Variants in PGR observed in about 807,000 individuals in gnomAD.
PGR encodes the protein progesterone receptor.
Under a neutral mutation model 76.1 loss-of-function variants are expected in PGR, and 25 were observed. The ratio of observed to expected loss-of-function variants is 0.33; its 90% CI spans 0.24 to 0.46. The LOEUF (loss-of-function observed/expected upper bound fraction) is 0.46, where lower values mean the gene tolerates loss of function less well. PGR is among the 20% of genes least tolerant of loss of function. The pLI is 1.00. For synonymous variants in PGR, 579 were observed against 535.0 expected, an observed-to-expected ratio of 1.08 and a Z score of -1.14; for missense variants, 1,172 against 1,225.3, an observed-to-expected ratio of 0.96 and a Z score of 0.65.
At chr11:101,069,155 C>T (rs188840800) in intron 3 of PGR, among the ~76,000 whole-genome samples, 6 of 151,774 alleles carry the variant, frequency 4.0e-5, no homozygotes, top group African/African-American at 1.2e-4. Context: ...CTACAGGGAA[C>T]TTAAACAAAT....
At chr11:101,064,069 G>A (rs1860611690) in intron 3 of PGR, 1 of 152,060 alleles carries the variant, frequency 6.6e-6, no homozygotes, top group Admixed American at 6.6e-5. Flanking sequence ...GTGAGCTCAT[G>A]CCTGTAGTTC....
Position 101,128,721 on chromosome 11 carries a change from G to C in PGR, c.350C>G (p.Thr117Ser), listed in dbSNP as rs748602793. The C allele has an allele frequency of 2.5e-6, 4 of 1,611,756 alleles. No homozygotes were observed. In the Middle Eastern group the frequency reaches 6.6e-4, roughly 265 times the overall value. Reference sequence around the variant, plus strand: ...CCCGGGACCTGAGGGCGCCAACAGAGTGTCCAAGACACTGTCCAGCAGTCC... The same window carrying C: ...CCCGGGACCTGAGGGCGCCAACAGACTGTCCAAGACACTGTCCAGCAGTCC... ...DSGLLDSVLD[T>S]LLAPSGPGQS... The change falls in exon 1 of 8, where the codon ACT becomes AGT. Residue 117 changes from threonine (T) to serine (S), a missense_variant. Physicochemically the swap from Thr to Ser is moderately conservative, Grantham distance 58. Transcript: ENST00000325455.
chr11:101,039,431 A>G (rs536964553), intron 7 of PGR, among the ~76,000 whole-genome samples, 160 bp from the exon 8 acceptor site: 6 of 152,126 alleles, frequency 3.9e-5, no homozygotes, highest in African/African-American at 1.2e-4. Flanking sequence ...ATTTTCTAGA[A>G]TAATATGTAA....
At chr11:101,115,116 T>C (rs940840001) in intron 2 of PGR, among the ~76,000 whole-genome samples, 1 of 152,172 alleles carries the variant, frequency 6.6e-6, no homozygotes, top group Admixed American at 6.5e-5. Context: ...AAATAATTTA[T>C]ATATAATCGT....
chr11:101,043,304 A>C (rs1338238780), intron 6 of PGR, among the ~76,000 whole-genome samples: 1 of 152,050 alleles, frequency 6.6e-6, no homozygotes, highest in Non-Finnish European at 1.5e-5. Flanking sequence ...ATAAGAAACA[A>C]CTCCTCATCT....
At chr11:101,054,251 T>C (rs1441370106) in intron 4 of PGR, among the ~76,000 whole-genome samples, 1 of 152,186 alleles carries the variant, frequency 6.6e-6, no homozygotes, top group Non-Finnish European at 1.5e-5. Flanking sequence ...TGTTTTATAA[T>C]TAACATAGTT....
intron 3 of PGR, among the ~76,000 whole-genome samples, chr11:101,088,664 C>T (rs1272350022): frequency 1.3e-5 from 2 of 152,138 alleles, no homozygotes; most frequent in Non-Finnish European, 2.9e-5. Flanking sequence ...TACCATTAGA[C>T]CAGCAATCCC....
chr11:101,039,502 A>T (rs780206099), intron 7 of PGR, among the ~76,000 whole-genome samples: 9 of 151,988 alleles, frequency 5.9e-5, no homozygotes, highest in Non-Finnish European at 1.2e-4. Context: ...TAAAGAAATG[A>T]AAGTTATTCA....
Position 101,125,989 on chromosome 11 carries a change from CA to C in PGR, c.1789+17del, listed in dbSNP as rs1340209702. On this transcript the variant is annotated intron_variant, in intron 2 of 7. Coordinates refer to ENST00000325455, the MANE Select transcript of PGR (RefSeq NM_000926.4). ...TACAATTAAACCAATAATAAAGGAT[CA>C]GGGGAAAGGAGCCTACCTTCCATTG... 1.2e-6 allele frequency: 2 copies of C among 1,609,762 alleles called. No homozygotes were observed. Among genetic ancestry groups the C allele is most frequent in the African/African-American group, 1.3e-5 (1 of 74,796 alleles).
chr11:101,113,285 A>G (rs1862399138), intron 2 of PGR, among the ~76,000 whole-genome samples: 1 of 150,166 alleles, frequency 6.7e-6, no homozygotes, highest in African/African-American at 2.4e-5. Context: ...TTTTTTTCCC[A>G]GAGTCTTGCT....
chr11:101,090,162 C>T (rs1446858353), intron 3 of PGR, among the ~76,000 whole-genome samples: 1 of 151,976 alleles, frequency 6.6e-6, no homozygotes, highest in Non-Finnish European at 1.5e-5. Flanking sequence ...TGCACCATTG[C>T]ACTCCAGCCT....
At chr11:101,122,429 C>T (rs2135504319) in intron 2 of PGR, among the ~76,000 whole-genome samples, 1 of 152,262 alleles carries the variant, frequency 6.6e-6, no homozygotes, top group South Asian at 2.1e-4. Context: ...TGTGTACTGG[C>T]AAAGATAAGC....
chr11:101,055,669 TA>T (rs1860265416), intron 4 of PGR, among the ~76,000 whole-genome samples: 1 of 152,152 alleles, frequency 6.6e-6, no homozygotes. Flanking sequence ...TTTAAACATT[TA>T]AACATTTTAC....
rs1008486373 is a variant in PGR at position 101,038,369 on chromosome 11, T to G, written c.*747A>C. The G allele has an allele frequency of 1.4e-5, 3 of 211,204 alleles. No individual in the cohort carries two copies. The highest frequency in any genetic ancestry group is 4.5e-5 in the African/African-American group (2 of 44,170). 13.1% of individuals were successfully genotyped at this position (211,204 alleles called of 1,614,324 possible). The stretch of plus-strand genomic sequence containing the variant: ...TAGGCCATAATCTTCTGATTTCTTA[T>G]GTCCACTCGCAATACCTCATTAGAG... On this transcript the variant is annotated 3_prime_UTR_variant, in exon 8 of 8. Transcript: ENST00000325455.
chr11:101,100,170 A>T (rs1861954416), intron 2 of PGR, among the ~76,000 whole-genome samples: 1 of 152,106 alleles, frequency 6.6e-6, no homozygotes, highest in South Asian at 2.1e-4. Context: ...GAGGTAATTG[A>T]ATCATGGGGG....
rs956105889 is a variant in PGR at position 101,029,959 on chromosome 11, C to T, written c.*9157G>A. 2 of 225,384 alleles carry T rather than the reference C, an allele frequency of 8.9e-6. No homozygotes were observed. Among genetic ancestry groups the T allele is most frequent in the African/African-American group, 2.2e-5 (1 of 44,924 alleles). 14.0% of individuals were successfully genotyped at this position (225,384 alleles called of 1,614,324 possible). ...CCAGGGACCCAGCCCCAGGCATACA[C>T]AGATGAAAGGACAGTTTCACCTTCT... On this transcript the variant is annotated 3_prime_UTR_variant, in exon 8 of 8. Coordinates refer to ENST00000325455, the MANE Select transcript of PGR (RefSeq NM_000926.4).
chr11:101,052,505 G>C (rs1407985067), intron 4 of PGR, among the ~76,000 whole-genome samples: 2 of 152,094 alleles, frequency 1.3e-5, no homozygotes, highest in Non-Finnish European at 2.9e-5. Context: ...TTAAAGGTGG[G>C]AGAAGCAAAG....
chr11:101,082,417 T>C (rs1306167129), intron 3 of PGR, among the ~76,000 whole-genome samples: 3 of 151,960 alleles, frequency 2.0e-5, no homozygotes, highest in South Asian at 2.1e-4. Context: ...TGGGCAGAGG[T>C]TGGAACAGTT....
chr11:101,052,448 G>A (rs1423250759), intron 4 of PGR, among the ~76,000 whole-genome samples: 2 of 152,044 alleles, frequency 1.3e-5, no homozygotes, highest in African/African-American at 4.8e-5. Context: ...GTCTCTCCAT[G>A]TCTTCCCAAT....
Sources: allele counts gnomAD v4.1 joint callset (sites outside exome capture counted in the v4.1 genomes callset), GRCh38; gene constraint gnomAD v4.1.1; transcripts MANE v1.5; gene names NCBI Gene and HGNC (gene_info 2026-07-23, HGNC 2026-07-21).